The following THSD7B variants were observed in gnomAD, a reference collection of about 807,000 sequenced individuals.
The protein encoded by THSD7B is thrombospondin type-1 domain-containing protein 7B.
A neutral mutation model predicts 213.6 loss-of-function variants in THSD7B; 138 were observed. That is an observed-to-expected ratio of 0.65 (90% CI 0.56 to 0.74). The LOEUF (loss-of-function observed/expected upper bound fraction) is 0.74. Among genes scored for constraint, THSD7B ranks in the 30% least tolerant of loss-of-function variants. The pLI is 0.00. For missense variants in THSD7B, 1,931 were observed against 1,991.5 expected, an observed-to-expected ratio of 0.97 and a Z score of 0.58; for synonymous variants, 742 against 687.0, an observed-to-expected ratio of 1.08 and a Z score of -1.25.
chr2:137,387,560 C>G (rs1481999030), intron 12 of THSD7B, among the ~76,000 whole-genome samples: 1 of 152,066 alleles, frequency 6.6e-6, no homozygotes, highest in African/African-American at 2.4e-5. Flanking sequence ...AAATATACAA[C>G]AAGAAGGGTC....
intron 15 of THSD7B, among the ~76,000 whole-genome samples, chr2:137,526,653 A>T (rs1573685876): frequency 6.6e-6 from 1 of 152,082 alleles, no homozygotes; most frequent in African/African-American, 2.4e-5. Flanking sequence ...CGAAATCCTG[A>T]CCTCAGGTGA....
chr2:137,468,069 C>G (rs893483655), intron 15 of THSD7B, among the ~76,000 whole-genome samples: 3 of 152,124 alleles, frequency 2.0e-5, no homozygotes, highest in Non-Finnish European at 4.4e-5. Context: ...TAGATTTCTC[C>G]AGAATGTTTT....
At chr2:137,266,509 A>G (rs1573921639) in intron 10 of THSD7B, among the ~76,000 whole-genome samples, 1 of 152,228 alleles carries the variant, frequency 6.6e-6, no homozygotes, top group African/African-American at 2.4e-5. Flanking sequence ...AGGAAAGAGA[A>G]CTTCAGGGTG....
chr2:137,142,944 A>G (rs1679618985), intron 5 of THSD7B, among the ~76,000 whole-genome samples: 1 of 152,152 alleles, frequency 6.6e-6, no homozygotes, highest in African/African-American at 2.4e-5. Context: ...CAATCTATTC[A>G]TGCAGAAAGT....
chr2:137,550,660 T>C (rs1210817095), intron 15 of THSD7B, among the ~76,000 whole-genome samples: 1 of 152,076 alleles, frequency 6.6e-6, no homozygotes, highest in African/African-American at 2.4e-5. Flanking sequence ...GGAGTGAGGA[T>C]GAAGTACATG....
intron 2 of THSD7B, among the ~76,000 whole-genome samples, chr2:136,946,356 T>C (rs903271613): frequency 6.6e-6 from 1 of 152,078 alleles, no homozygotes; most frequent in Non-Finnish European, 1.5e-5. Context: ...TCTGGAAGGT[T>C]CATCCCAGAG....
chr2:137,203,424 T>C (rs1413553182), intron 7 of THSD7B, among the ~76,000 whole-genome samples: 1 of 152,106 alleles, frequency 6.6e-6, no homozygotes, highest in Non-Finnish European at 1.5e-5. Flanking sequence ...GTATACTTTT[T>C]TAGATCTCAA....
chr2:136,854,681 A>C (rs1683151816), intron 1 of THSD7B, among the ~76,000 whole-genome samples: 1 of 151,296 alleles, frequency 6.6e-6, no homozygotes, highest in South Asian at 2.1e-4. Context: ...AAGGAAAGGC[A>C]ACTAGATCAC....
chr2:137,198,889 G>C (rs1240757996), intron 7 of THSD7B, among the ~76,000 whole-genome samples: 1 of 152,110 alleles, frequency 6.6e-6, no homozygotes, highest in Admixed American at 6.6e-5. Context: ...TATTATTTGA[G>C]TATTATGATG....
rs368448643 is a variant in THSD7B, at chr2:137,131,651, G to T, written c.1369+16358G>T. On this transcript the variant is annotated intron_variant, in intron 5 of 27. Transcript: ENST00000409968. The stretch of plus-strand genomic sequence containing the variant: ...TTAAATAGGGAATCCTTTCCCCATT[G>T]CTTGTTTTTGTCAGATTTGTCAAAT... Among the ~76,000 whole-genome samples the T allele has an allele frequency of 1.1e-4, 16 of 152,242 alleles. No individual in the cohort carries two copies. The East Asian group carries it at 2.7e-3, about 26-fold the overall frequency.
rs13025662 is a variant in THSD7B, at chr2:136,986,192, A to G, written c.140-70228A>G. Reference sequence around the variant, plus strand: ...GTTAATACTGGAATAAATTAAGATTAGGGGGGGACTATTACTAAGGCATGA... The same window carrying G: ...GTTAATACTGGAATAAATTAAGATTGGGGGGGGACTATTACTAAGGCATGA... On this transcript the variant is annotated intron_variant, in intron 2 of 27. Coordinates refer to ENST00000409968, the MANE Select transcript of THSD7B (RefSeq NM_001316349.2). Among the ~76,000 whole-genome samples, 11 of 57,212 alleles carry G rather than the reference A, an allele frequency of 1.9e-4. No homozygotes were observed. The South Asian group carries it at 2.2e-3, about 11-fold the overall frequency. The allele number at this position is 57,212 out of a possible 152,430, so 37.5% of individuals were successfully genotyped here.
chr2:136,996,363 A>G (rs2104820519), intron 2 of THSD7B, among the ~76,000 whole-genome samples: 1 of 148,234 alleles, frequency 6.7e-6, no homozygotes. Context: ...TTTTTTTCAG[A>G]CAAGGTCTTG....
At chr2:137,673,927 C>T (rs1446227) in intron 27 of THSD7B, among the ~76,000 whole-genome samples, 23,227 of 152,160 alleles carry the variant, frequency 0.15, 2,370 homozygotes, top group Middle Eastern at 0.25. Context: ...TCCCAATGAT[C>T]CCCAGCACAC....
intron 17 of THSD7B, among the ~76,000 whole-genome samples, chr2:137,590,441 T>G (rs934181413): frequency 6.6e-6 from 1 of 152,192 alleles, no homozygotes; most frequent in Admixed American, 6.5e-5. Flanking sequence ...TTTCTAAACA[T>G]GTACAAGATT....
intron 7 of THSD7B, among the ~76,000 whole-genome samples, chr2:137,228,158 T>G (rs78351161): frequency 6.0e-5 from 9 of 149,206 alleles, no homozygotes; most frequent in African/African-American, 2.2e-4. Flanking sequence ...TTTTTTTTTT[T>G]TCAAGATTTC....
chr2:137,385,886 A>G (rs1685883808), intron 12 of THSD7B, among the ~76,000 whole-genome samples: 1 of 152,232 alleles, frequency 6.6e-6, no homozygotes, highest in Admixed American at 6.5e-5. Flanking sequence ...CACCTTTTAA[A>G]ATTTCAATTA....
At chr2:137,618,317 TA>T (rs1304019249) in intron 18 of THSD7B, 74 bp from the exon 19 acceptor site, 3 of 1,150,702 alleles carry the variant, frequency 2.6e-6, no homozygotes, top group African/African-American at 3.1e-5. Flanking sequence ...CCAAAGCAGA[TA>T]ATCAAAGGTC....
intron 20 of THSD7B, among the ~76,000 whole-genome samples, chr2:137,630,659 T>C (rs895184364): frequency 2.0e-5 from 3 of 152,204 alleles, no homozygotes; most frequent in East Asian, 1.9e-4. Flanking sequence ...AGAGACCAAA[T>C]TGTGGAGCTG....
At chr2:137,195,292 A>G (rs537342487) in intron 7 of THSD7B, among the ~76,000 whole-genome samples, 1 of 152,178 alleles carries the variant, frequency 6.6e-6, no homozygotes, top group African/African-American at 2.4e-5. Flanking sequence ...GTATAGACAT[A>G]TATCAATTTT....
Sources: allele counts gnomAD v4.1 joint callset (sites outside exome capture counted in the v4.1 genomes callset), GRCh38; gene constraint gnomAD v4.1.1; transcripts MANE v1.5; gene names NCBI Gene and HGNC (gene_info 2026-07-23, HGNC 2026-07-21).